The following CNBD1 variants were observed in gnomAD, a reference collection of about 807,000 sequenced individuals.
CNBD1 encodes the protein cyclic nucleotide-binding domain-containing protein 1.
CNBD1 carries 71 observed loss-of-function variants against 54.4 expected under a neutral mutation model. That is an observed-to-expected ratio of 1.30 (90% CI 1.08 to 1.59). The LOEUF (loss-of-function observed/expected upper bound fraction) is 1.59, where lower values mean the gene tolerates loss of function less well. CNBD1 is among the 40% of genes most tolerant of loss of function. CNBD1 has a pLI of 0.00. For synonymous variants in CNBD1, 182 were observed against 170.7 expected (o/e 1.07, Z -0.51); for missense variants, 659 against 518.0 (o/e 1.27, Z -2.64).
chr8:86,915,120 G>A (rs180710394), intron 3 of CNBD1, among the ~76,000 whole-genome samples: 3 of 152,094 alleles, frequency 2.0e-5, no homozygotes, highest in African/African-American at 7.2e-5. Context: ...GGTTGTGGGT[G>A]GTTAGGAAAT....
chr8:87,050,904 T>A (rs1810298338), intron 4 of CNBD1, among the ~76,000 whole-genome samples: 1 of 152,010 alleles, frequency 6.6e-6, no homozygotes, highest in Admixed American at 6.6e-5. Context: ...CTGTAGGGGG[T>A]ATTGTTTCTG....
At chr8:87,397,133 C>A (rs1811421790) in intron 2 of CNBD1, among the ~76,000 whole-genome samples, 1 of 151,720 alleles carries the variant, frequency 6.6e-6, no homozygotes, top group East Asian at 1.9e-4. Context: ...TTGTTAGAGC[C>A]ACTCTTGCCT....
chr8:87,367,213 C>A (rs1200981033), intron 10 of CNBD1, among the ~76,000 whole-genome samples: 1 of 152,048 alleles, frequency 6.6e-6, no homozygotes, highest in African/African-American at 2.4e-5. Flanking sequence ...AATTTCTGAG[C>A]AGCCACTTAT....
chr8:87,221,689 C>G (rs1460418066), intron 5 of CNBD1, among the ~76,000 whole-genome samples: 2 of 151,990 alleles, frequency 1.3e-5, no homozygotes, highest in Non-Finnish European at 2.9e-5. Flanking sequence ...TTTCACAATA[C>G]CAGAAGAGTA....
chr8:87,066,360 A>G (rs1269973333), intron 4 of CNBD1, among the ~76,000 whole-genome samples: 1 of 151,952 alleles, frequency 6.6e-6, no homozygotes, highest in Non-Finnish European at 1.5e-5. Flanking sequence ...GTCTCCAGTC[A>G]TGAGTTCTTA....
intron 6 of CNBD1, among the ~76,000 whole-genome samples, chr8:87,266,979 A>T (rs1317135958): frequency 6.6e-6 from 1 of 152,174 alleles, no homozygotes; most frequent in Admixed American, 6.6e-5. Flanking sequence ...AAACACCTTA[A>T]GTAACAGACT....
chr8:87,344,219 A>C (rs1029157823), intron 8 of CNBD1, among the ~76,000 whole-genome samples: 4 of 152,206 alleles, frequency 2.6e-5, no homozygotes, highest in Non-Finnish European at 5.9e-5. Flanking sequence ...ATGAAATATC[A>C]ATAGGAAGAA....
chr8:87,040,986 G>A (rs1429570199), intron 4 of CNBD1, among the ~76,000 whole-genome samples: 1 of 151,854 alleles, frequency 6.6e-6, no homozygotes, highest in Non-Finnish European at 1.5e-5. Context: ...TTGCAAACTT[G>A]TTTTTAAAAT....
At chr8:87,353,594 G>A in intron 9 of CNBD1, 42 bp from the exon 10 acceptor site, 1 of 1,287,656 alleles carries the variant, frequency 7.8e-7, no homozygotes, top group South Asian at 1.3e-5. Context: ...TCATTATATG[G>A]AAGCAGTTGC....
At chr8:87,178,492 G>A (rs1208821264) in intron 4 of CNBD1, among the ~76,000 whole-genome samples, 1 of 152,162 alleles carries the variant, frequency 6.6e-6, no homozygotes, top group Non-Finnish European at 1.5e-5. Context: ...CCAACATGAT[G>A]ACTAAATGGA....
intron 8 of CNBD1, among the ~76,000 whole-genome samples, chr8:87,321,013 C>A (rs985526030): frequency 5.9e-5 from 9 of 152,248 alleles, no homozygotes; most frequent in African/African-American, 2.2e-4. Flanking sequence ...TCTCAAACTG[C>A]ATCCATGTTG....
At chr8:87,185,245 CCTTA>C (rs1199609141) in intron 4 of CNBD1, among the ~76,000 whole-genome samples, 3 of 152,076 alleles carry the variant, frequency 2.0e-5, no homozygotes, top group Non-Finnish European at 4.4e-5. Context: ...CCTTCTATAA[CCTTA>C]CTGTTTTTCT....
intron 6 of CNBD1, among the ~76,000 whole-genome samples, chr8:87,275,364 G>T (rs926707547): frequency 4.6e-5 from 7 of 151,584 alleles, no homozygotes; most frequent in African/African-American, 1.5e-4. Flanking sequence ...ATTACCTTGG[G>T]CAGTATGGCC....
intron 4 of CNBD1, among the ~76,000 whole-genome samples, chr8:86,987,825 T>C (rs767439899): frequency 2.6e-5 from 4 of 152,226 alleles, no homozygotes; most frequent in Non-Finnish European, 5.9e-5. Context: ...AAACCAGCAT[T>C]GTATCCCAGA....
intron 2 of CNBD1, among the ~76,000 whole-genome samples, chr8:87,409,569 C>T (rs1807705668): frequency 6.6e-6 from 1 of 152,128 alleles, no homozygotes; most frequent in Admixed American, 6.6e-5. Flanking sequence ...CATATGCCAT[C>T]TTCAACTTTC....
rs765051749 is a variant in CNBD1 at position 86,866,517 on chromosome 8, G to T, written c.22G>T (p.Ala8Ser). ...CAAGATGCCGATGTCTTCTCTTCCAGCAGCTATTTTGTCTCACATGACAGC... is the reference window on the plus strand; with the variant it reads ...CAAGATGCCGATGTCTTCTCTTCCATCAGCTATTTTGTCTCACATGACAGC... MPMSSLP[A>S]AILSHMTAIN... is the part of the protein sequence containing the mutation. The change falls in exon 1 of 11, where the codon GCA becomes TCA. Residue 8 changes from alanine (A) to serine (S), a missense_variant. Physicochemically the swap from Ala to Ser is moderately conservative, Grantham distance 99. Coordinates refer to ENST00000518476, the MANE Select transcript of CNBD1 (RefSeq NM_173538.3). 15 of 1,611,928 alleles carry T rather than the reference G, an allele frequency of 9.3e-6. No homozygotes were observed. Among genetic ancestry groups the T allele is most frequent in the Middle Eastern group, 1.6e-4 (1 of 6,082 alleles).
At position 86,870,757 on chromosome 8, in the gene CNBD1, C is replaced by T. The variant is rs150502591; in HGVS notation, c.88+4174C>T. 7.5e-3 allele frequency among the ~76,000 whole-genome samples: 1,138 copies of T among 151,676 alleles called. 20 individuals carry two copies. Among genetic ancestry groups the T allele is most frequent in the African/African-American group, 0.026 (1,054 of 41,312 alleles). On this transcript the variant is annotated intron_variant, in intron 1 of 10. Transcript: ENST00000518476. The stretch of plus-strand genomic sequence containing the variant: ...AGAAAAAAAGGAGGCTTGTCAGTGA[C>T]GAAGAAAAACAGGGAAGTGGGTTGT...
intron 4 of CNBD1, among the ~76,000 whole-genome samples, chr8:87,187,042 T>C (rs1245263288): frequency 2.6e-5 from 4 of 152,256 alleles, no homozygotes; most frequent in East Asian, 1.9e-4. Context: ...AAGTACATAA[T>C]TGACAATATT....
rs139903455 is a variant in CNBD1 at position 87,170,978 on chromosome 8, T to C, written c.432-35015T>C. Reference sequence around the variant, plus strand: ...AGATATTGGTCTGTAGGTTTTTTTGTGTATGTGATGTGTCTTTGTCTGGTT... The same window carrying C: ...AGATATTGGTCTGTAGGTTTTTTTGCGTATGTGATGTGTCTTTGTCTGGTT... On this transcript the variant is annotated intron_variant, in intron 4 of 10. Transcript: ENST00000518476. Among the ~76,000 whole-genome samples the C allele has an allele frequency of 1.0e-3, 157 of 152,250 alleles. 2 individuals are homozygous for C. Among genetic ancestry groups the C allele is most frequent in the African/African-American group, 3.7e-3 (152 of 41,564 alleles).
Sources: allele counts gnomAD v4.1 joint callset (sites outside exome capture counted in the v4.1 genomes callset), GRCh38; gene constraint gnomAD v4.1.1; transcripts MANE v1.5; gene names NCBI Gene and HGNC (gene_info 2026-07-23, HGNC 2026-07-21).